Variants in STAG2 observed in about 807,000 individuals in gnomAD.
The protein encoded by STAG2 is cohesin subunit SA-2.
STAG2 carries 14 observed loss-of-function variants against 108.1 expected under a neutral mutation model. That is an observed-to-expected ratio of 0.13 (90% CI 0.09 to 0.20). STAG2 has a LOEUF of 0.20. STAG2 is among the 10% of genes least tolerant of loss of function. The pLI is 1.00. For synonymous variants in STAG2, 307 were observed against 302.7 expected (o/e 1.01, Z -0.15); for missense variants, 440 against 940.9 (o/e 0.47, Z 6.96).
chrX:124,087,442 A>G lies in STAG2; in HGVS notation c.3277+672A>G, dbSNP rs1290085735. Among the ~76,000 whole-genome samples the G allele has an allele frequency of 4.5e-5, 5 of 112,035 alleles. No homozygotes were observed. The East Asian group carries it at 1.4e-3, about 31-fold the overall frequency. On this transcript the variant is annotated intron_variant, in intron 30 of 34. Transcript: ENST00000371145. ...CAAAACTTAGGACATAGCCAGGATCATGGTGTCTGGTACCTCAGCCAGGAA... is the reference window on the plus strand; with the variant it reads ...CAAAACTTAGGACATAGCCAGGATCGTGGTGTCTGGTACCTCAGCCAGGAA...
Position 124,016,398 on chromosome X carries a change from T to TA in STAG2, c.-162-4963dup, listed in dbSNP as rs201190396. On this transcript the variant is annotated intron_variant, in intron 1 of 34. Transcript: ENST00000371145. ...AACAATAAGATTGTAAATAAAAAAT[T>TA]AAAAAATTACCCACCTTGATTTGTT... Among the ~76,000 whole-genome samples, 822 of 112,165 alleles carry TA rather than the reference T, an allele frequency of 7.3e-3. 7 individuals are homozygous for TA. The highest frequency in any genetic ancestry group is 0.025 in the African/African-American group (772 of 30,936).
chrX:124,006,324 T>G (rs892687016), intron 1 of STAG2, among the ~76,000 whole-genome samples: 2 of 111,577 alleles, frequency 1.8e-5, no homozygotes, highest in Non-Finnish European at 3.8e-5. Context: ...GCATGTATGG[T>G]TTTTAAAGAA....
At chrX:124,009,999 A>G (rs1469319077) in intron 1 of STAG2, among the ~76,000 whole-genome samples, 1 of 111,650 alleles carries the variant, frequency 9.0e-6, no homozygotes, top group Non-Finnish European at 1.9e-5. Context: ...TCAATAGATC[A>G]GTAGTTATAT....
intron 6 of STAG2, among the ~76,000 whole-genome samples, chrX:124,039,644 T>C (rs997626966): frequency 8.5e-5 from 9 of 105,329 alleles, no homozygotes; most frequent in East Asian, 2.9e-4. Context: ...TTCTTTCTTT[T>C]TTTTTTTTTT....
intron 1 of STAG2, among the ~76,000 whole-genome samples, chrX:123,992,888 G>C (rs991418773): frequency 3.6e-5 from 4 of 110,852 alleles, no homozygotes; most frequent in Admixed American, 9.7e-5. Flanking sequence ...GAGTACAAAG[G>C]GGGTGGTTAT....
rs1398320993 is a variant in STAG2 at position 124,100,804 on chromosome X, T to C, written c.*207T>C. ...ACAAGTAAACAATTTGATGATAAGCTACAGTTTTTCTTAGAAAGTAAATAT... is the reference window on the plus strand; with the variant it reads ...ACAAGTAAACAATTTGATGATAAGCCACAGTTTTTCTTAGAAAGTAAATAT... On this transcript the variant is annotated 3_prime_UTR_variant, in exon 35 of 35. Coordinates refer to ENST00000371145, the MANE Select transcript of STAG2 (RefSeq NM_001042750.2). 1 of 292,362 alleles carries C rather than the reference T, an allele frequency of 3.4e-6. No homozygotes were observed. The highest frequency in any genetic ancestry group is 6.1e-6 in the Non-Finnish European group (1 of 163,415). The allele number at this position is 292,362 out of a possible 1,213,427, so 24.1% of individuals were successfully genotyped here.
chrX:124,060,828 G>A (rs1433006365), intron 15 of STAG2, among the ~76,000 whole-genome samples: 1 of 108,516 alleles, frequency 9.2e-6, no homozygotes, highest in Non-Finnish European at 1.9e-5. Context: ...GGAGGCTGAG[G>A]CAGGTGAATC....
chrX:124,068,315 TCCTAA>T (rs2058588727), intron 23 of STAG2, among the ~76,000 whole-genome samples: 1 of 111,461 alleles, frequency 9.0e-6, no homozygotes, highest in Admixed American at 9.6e-5. Context: ...CCTCTTAATA[TCCTAA>T]AGCCTTAGGA....
At chrX:124,042,463 C>T in intron 6 of STAG2, 106 bp from the exon 7 acceptor site, 1 of 519,380 alleles carries the variant, frequency 1.9e-6, no homozygotes, top group Non-Finnish European at 3.3e-6. Flanking sequence ...AGAAGTATGC[C>T]TTTTATTGTG....
rs767268635 is a variant in STAG2, at chrX:124,033,352, C to CT, written c.288+2235dup. 9.8e-5 allele frequency among the ~76,000 whole-genome samples: 11 copies of CT among 111,799 alleles called. No individual in the cohort carries two copies. The East Asian group carries it at 1.9e-3, about 20-fold the overall frequency. ...TGTATTGCATTTCATTACTTTCCTT[C>CT]TTTTTTTTGTATTATACATTTTCTC... On this transcript the variant is annotated intron_variant, in intron 5 of 34. Transcript: ENST00000371145.
chrX:124,063,292 T>G lies in STAG2; in HGVS notation c.1821+87T>G, dbSNP rs112183945. 1.9e-3 allele frequency: 1,423 copies of G among 740,107 alleles called. 14 individuals carry two copies. In the African/African-American group the frequency reaches 0.025, roughly 13 times the overall value. 61.0% of individuals were successfully genotyped at this position (740,107 alleles called of 1,213,427 possible). On this transcript the variant is annotated intron_variant, in intron 19 of 34. Coordinates refer to ENST00000371145, the MANE Select transcript of STAG2 (RefSeq NM_001042750.2). ...CGTTTGTTTATATTTCTTAAAATGT[T>G]TTTTTGGAACGTATTTTAAGAAAGG...
chrX:124,066,171 A>G lies in STAG2; in HGVS notation c.2097-4A>G, dbSNP rs1387486095. 3.6e-6 allele frequency: 2 copies of G among 554,638 alleles called. No homozygotes were observed. Among genetic ancestry groups the G allele is most frequent in the Non-Finnish European group, 4.8e-6 (2 of 417,320 alleles). 45.7% of individuals were successfully genotyped at this position (554,638 alleles called of 1,213,427 possible). On this transcript the variant is annotated splice_polypyrimidine_tract_variant and splice_region_variant and intron_variant, in intron 21 of 34. Transcript: ENST00000371145. ...TTTTTTTTTTTTTTTTTTTTTTTTT[A>G]CAGTGCCCATGACCTTTCAAAGTGG... is the stretch of plus-strand genomic sequence containing the variant.
intron 1 of STAG2, among the ~76,000 whole-genome samples, chrX:123,978,736 G>A (rs1171490735): frequency 8.9e-6 from 1 of 112,054 alleles, no homozygotes; most frequent in Non-Finnish European, 1.9e-5. Context: ...ATGCTCCAAA[G>A]AAATGTTCAT....
intron 1 of STAG2, among the ~76,000 whole-genome samples, chrX:123,967,155 G>T (rs2054133741): frequency 9.0e-6 from 1 of 110,592 alleles, no homozygotes; most frequent in Admixed American, 9.7e-5. Flanking sequence ...AAAGTGCTGG[G>T]ATTACAGGCG....
intron 6 of STAG2, among the ~76,000 whole-genome samples, chrX:124,038,866 ATGT>A (rs2057605391): frequency 9.0e-6 from 1 of 111,404 alleles, no homozygotes; most frequent in Non-Finnish European, 1.9e-5. Flanking sequence ...CTCAGAGGAG[ATGT>A]TGTCATGATG....
intron 15 of STAG2, among the ~76,000 whole-genome samples, chrX:124,060,552 C>T (rs771074915): frequency 8.9e-6 from 1 of 112,647 alleles, no homozygotes; most frequent in Non-Finnish European, 1.9e-5. Flanking sequence ...AAATTCATAG[C>T]ATACCTAAGA....
At chrX:124,027,991 A>G (rs557839871) in intron 4 of STAG2, among the ~76,000 whole-genome samples, 1 of 111,368 alleles carries the variant, frequency 9.0e-6, no homozygotes, top group Admixed American at 9.6e-5. Flanking sequence ...TTAGTTTTTC[A>G]TACTGACAGG....
At chrX:124,096,018 C>G (rs148245298) in intron 34 of STAG2, among the ~76,000 whole-genome samples, 1,736 of 110,150 alleles carry the variant, frequency 0.016, 12 homozygotes, top group Middle Eastern at 0.033. Context: ...TTCTCCTTGA[C>G]AGTGCCTTGA....
chrX:124,074,245 A>AT (rs1333059896), intron 25 of STAG2, among the ~76,000 whole-genome samples: 13 of 112,081 alleles, frequency 1.2e-4, no homozygotes. Flanking sequence ...CATTCTTGAG[A>AT]TTTTTTTCAG....
Sources: gnomAD v4.1 joint callset for allele counts (sites outside exome capture counted in the v4.1 genomes callset) on GRCh38, gnomAD v4.1.1 for gene constraint, MANE v1.5 for transcripts, NCBI Gene and HGNC (gene_info 2026-07-23, HGNC 2026-07-21) for gene names.